Variants in DSC3 observed in about 807,000 individuals in gnomAD.
The protein encoded by DSC3 is desmocollin 3.
Under a neutral mutation model 89.5 loss-of-function variants are expected in DSC3, and 97 were observed. The ratio of observed to expected loss-of-function variants is 1.08; its 90% confidence interval spans 0.92 to 1.28. The LOEUF (loss-of-function observed/expected upper bound fraction) is 1.28, where lower values mean the gene tolerates loss of function less well. Among genes scored for constraint, DSC3 ranks in the 50% most tolerant of loss-of-function variants. The pLI, the probability that DSC3 is intolerant of heterozygous loss-of-function variation, is 0.00. For missense variants in DSC3, 1,199 were observed against 1,085.3 expected (o/e 1.10, Z -1.47); for synonymous variants, 436 against 384.1 (o/e 1.14, Z -1.58).
intron 8 of DSC3, 23 bp downstream of exon 8, chr18:31,018,643 A>G: frequency 6.2e-7 from 1 of 1,609,760 alleles, no homozygotes; most frequent in Non-Finnish European, 8.5e-7. Context: ...AGACAGAGGC[A>G]GATTTTGATA....
intron 1 of DSC3, among the ~76,000 whole-genome samples, chr18:31,040,723 G>GT (rs1423965149): frequency 6.6e-6 from 1 of 152,188 alleles, no homozygotes; most frequent in East Asian, 1.9e-4. Context: ...TTAAAGATAA[G>GT]TAATGGTTTA....
At chr18:31,010,418 C>T (rs534651723) in intron 9 of DSC3, among the ~76,000 whole-genome samples, 182 of 152,244 alleles carry the variant, frequency 1.2e-3, no homozygotes, top group Non-Finnish European at 2.2e-3. Flanking sequence ...TGCAACTATT[C>T]AATCCAGAAA....
At chr18:31,013,016 A>G (rs1372268175) in intron 9 of DSC3, among the ~76,000 whole-genome samples, 1 of 152,206 alleles carries the variant, frequency 6.6e-6, no homozygotes, top group Non-Finnish European at 1.5e-5. Context: ...AACAAGGAAG[A>G]TATTCATAAG....
intron 1 of DSC3, among the ~76,000 whole-genome samples, chr18:31,042,265 C>T (rs1463698875): frequency 2.6e-5 from 4 of 152,208 alleles, no homozygotes; most frequent in African/African-American, 9.6e-5. Context: ...ACCAGCTCCA[C>T]CACCTGGGGA....
intron 14 of DSC3, among the ~76,000 whole-genome samples, chr18:31,000,408 A>G (rs1440221505): frequency 2.0e-5 from 3 of 152,168 alleles, no homozygotes; most frequent in East Asian, 3.9e-4. Flanking sequence ...ATGTCTTCCT[A>G]TTCTCACTGA....
At chr18:31,022,632 A>C in intron 6 of DSC3, 130 bp from the exon 7 acceptor site, 1 of 1,133,984 alleles carries the variant, frequency 8.8e-7, no homozygotes, top group Non-Finnish European at 1.3e-6. Context: ...TTACCAGAGT[A>C]TTATTTCATC....
At chr18:31,039,494 A>G (rs780958172) in intron 1 of DSC3, among the ~76,000 whole-genome samples, 7 of 152,208 alleles carry the variant, frequency 4.6e-5, no homozygotes, top group Non-Finnish European at 8.8e-5. Flanking sequence ...TCCTGTGGCC[A>G]TAAGTCTTCT....
chr18:31,022,399 C>T lies in DSC3; in HGVS notation c.879G>A (p.Gly293=). ...CTGTGCTGGGATGCACAGAAAAGAG[C>T]CCAGGTGACCTTGGTGTCTGCTGCA... is the stretch of plus-strand genomic sequence containing the variant. The part of the protein sequence containing the change: ...SILQQTPRSP[G]LFSVHPSTGV... The change falls in exon 7 of 16, where the codon GGG becomes GGA. Residue 293 remains glycine (G), a synonymous_variant. Coordinates refer to ENST00000360428, the MANE Select transcript of DSC3 (RefSeq NM_001941.5). 1 of 1,614,050 alleles carries T rather than the reference C, an allele frequency of 6.2e-7. No homozygotes were observed. The highest frequency in any genetic ancestry group is 1.7e-5 in the Admixed American group (1 of 59,998).
chr18:30,994,593 A>G, intron 15 of DSC3: 2 of 953,752 alleles, frequency 2.1e-6, no homozygotes, highest in Non-Finnish European at 3.1e-6. Flanking sequence ...ATAAAAAATT[A>G]TGTATACAAG....
At chr18:31,009,927 A>G (rs1019102008) in intron 9 of DSC3, among the ~76,000 whole-genome samples, 4 of 152,250 alleles carry the variant, frequency 2.6e-5, no homozygotes, top group South Asian at 2.1e-4. Flanking sequence ...AAAAATTTCC[A>G]AATCAATCTT....
At position 31,031,215 on chromosome 18, in the gene DSC3, G is replaced by GAA. The variant is rs370006572; in HGVS notation, c.155-45_155-44dup. On this transcript the variant is annotated intron_variant, in intron 2 of 15. Transcript: ENST00000360428. ...CAAGTTGTAAGGTAAAAACACATGA[G>GAA]AAAAAAAAACGTGTTAAAATAATTT... The GAA allele has an allele frequency of 1.2e-3, 1,505 of 1,307,116 alleles. 18 individuals are homozygous for GAA. In the African/African-American group the frequency reaches 0.018, roughly 16 times the overall value. 81.0% of individuals were successfully genotyped at this position (1,307,116 alleles called of 1,614,324 possible).
rs1165366335 is a variant in DSC3 at position 30,999,971 on chromosome 18, AAAAGTCAT to A, written c.2235+1639_2235+1646del. On this transcript the variant is annotated intron_variant, in intron 14 of 15. Coordinates refer to ENST00000360428, the MANE Select transcript of DSC3 (RefSeq NM_001941.5). ...AAATGGCAAAGAACAGATATTAAGT[AAAAGTCAT>A]CCATGCCGGTCTTAAAAATAAAATA... 8.5e-5 allele frequency among the ~76,000 whole-genome samples: 13 copies of A among 152,310 alleles called. No homozygotes were observed. In the South Asian group the frequency reaches 1.4e-3, roughly 17 times the overall value.
chr18:31,023,960 C>T (rs1985509724), intron 6 of DSC3, among the ~76,000 whole-genome samples: 1 of 151,928 alleles, frequency 6.6e-6, no homozygotes, highest in Non-Finnish European at 1.5e-5. Context: ...TAACACCTTC[C>T]TAAATAAAAG....
chr18:31,006,834 G>A (rs914087288), intron 12 of DSC3, 73 bp downstream of exon 12: 16 of 1,214,144 alleles, frequency 1.3e-5, no homozygotes, highest in Admixed American at 5.8e-5. Flanking sequence ...CTTTGTGTAA[G>A]TAAGCAAGTC....
chr18:31,025,485 A>G (rs1985565880), intron 5 of DSC3, among the ~76,000 whole-genome samples: 1 of 152,124 alleles, frequency 6.6e-6, no homozygotes, highest in African/African-American at 2.4e-5. Context: ...CATAAGCAAA[A>G]CCAACTTTTT....
Position 31,024,348 on chromosome 18 carries a change from C to T in DSC3, c.775+1G>A, listed in dbSNP as rs1985522441. 2 of 1,583,898 alleles carry T rather than the reference C, an allele frequency of 1.3e-6. No homozygotes were observed. The highest frequency in any genetic ancestry group is 1.4e-5 in the African/African-American group (1 of 73,530). On this transcript the variant is annotated splice_donor_variant, in intron 6 of 15. Coordinates refer to ENST00000360428, the MANE Select transcript of DSC3 (RefSeq NM_001941.5). LOFTEE classifies it high-confidence loss of function. Reference sequence around the variant, plus strand: ...CTTTTTATTCTTAAAAGCAGACTTACCAGGTCTACTACTTTCCAAAACTTC... The same window carrying T: ...CTTTTTATTCTTAAAAGCAGACTTATCAGGTCTACTACTTTCCAAAACTTC...
chr18:31,024,576 C>A, intron 5 of DSC3, 83 bp from the exon 6 acceptor site: 1 of 1,429,836 alleles, frequency 7.0e-7, no homozygotes, highest in South Asian at 1.3e-5. Flanking sequence ...ACCTGCCTTG[C>A]AAATCTTTTC....
intron 7 of DSC3, among the ~76,000 whole-genome samples, chr18:31,021,322 A>G (rs1985411461): frequency 6.6e-6 from 1 of 152,176 alleles, no homozygotes; most frequent in Non-Finnish European, 1.5e-5. Context: ...TACAAACTCC[A>G]CAGATACAAA....
chr18:31,030,855 G>T, intron 3 of DSC3, 118 bp downstream of exon 3: 1 of 943,044 alleles, frequency 1.1e-6, no homozygotes. Flanking sequence ...GAAAGGAAAG[G>T]AAACAAAATG....
Sources: allele counts gnomAD v4.1 joint callset (sites outside exome capture counted in the v4.1 genomes callset), GRCh38; gene constraint gnomAD v4.1.1; transcripts MANE v1.5; gene names NCBI Gene and HGNC (gene_info 2026-07-23, HGNC 2026-07-21).